Variants in MYOM1 observed in about 807,000 individuals in gnomAD.
The protein encoded by MYOM1 is myomesin-1.
In MYOM1, 164 loss-of-function variants were observed where a neutral mutation model predicts 205.3. That is an observed-to-expected ratio of 0.80 (90% CI 0.70 to 0.91). The LOEUF is 0.91. MYOM1 is among the 40% of genes least tolerant of loss of function. The pLI, the probability that MYOM1 is intolerant of heterozygous loss-of-function variation, is 0.00. For missense variants in MYOM1, 2,011 were observed against 2,127.3 expected, an observed-to-expected ratio of 0.95 and a Z score of 1.08; for synonymous variants, 772 against 789.4, an observed-to-expected ratio of 0.98 and a Z score of 0.37.
chr18:3,244,733 CAAA>C, the MYOM1 span, among the ~76,000 whole-genome samples: 2 of 118,812 alleles, frequency 1.7e-5, no homozygotes, highest in Admixed American at 8.5e-5. Flanking sequence ...TACTAAAATA[CAAA>C]AAAAAAAAAA....
chr18:3,221,175 C>T (rs528413096), upstream of MYOM1, among the ~76,000 whole-genome samples: 267 of 152,122 alleles, frequency 1.8e-3, 8 homozygotes, highest in South Asian at 0.045. Flanking sequence ...CCATCACACT[C>T]GGCTAATTTT....
chr18:3,130,028 T>G (rs72860216), intron 17 of MYOM1, among the ~76,000 whole-genome samples: 1 of 151,942 alleles, frequency 6.6e-6, no homozygotes, highest in African/African-American at 2.4e-5. Context: ...ATAAGGAATC[T>G]TCCTTCCTTC....
intron 2 of MYOM1, among the ~76,000 whole-genome samples, chr18:3,199,711 A>C: frequency 6.6e-6 from 1 of 152,152 alleles, no homozygotes; most frequent in East Asian, 1.9e-4. Context: ...ATGGTGGCAC[A>C]TGCCTATAGT....
At chr18:3,145,988 T>G (rs2080116800) in intron 13 of MYOM1, among the ~76,000 whole-genome samples, 1 of 151,960 alleles carries the variant, frequency 6.6e-6, no homozygotes, top group African/African-American at 2.4e-5. Context: ...ATGAACAACT[T>G]TATGAATGAA....
At chr18:3,134,369 C>T (rs1428896264) in intron 16 of MYOM1, among the ~76,000 whole-genome samples, 1 of 151,932 alleles carries the variant, frequency 6.6e-6, no homozygotes, top group African/African-American at 2.4e-5. Context: ...ACAGGCCTGC[C>T]ACTGCCTTGG....
chr18:3,231,936 G>A, the MYOM1 span, among the ~76,000 whole-genome samples: 2 of 144,460 alleles, frequency 1.4e-5, no homozygotes, highest in East Asian at 2.0e-4. Flanking sequence ...TCTATTAAAT[G>A]TTTGCTAGTG....
rs1598743068 is a variant in MYOM1 at position 3,174,159 on chromosome 18, T to C, written c.1072A>G (p.Lys358Glu). ...AQYRASAMNV[K>E]GELSAYASVV... ...GAAGCATATGCCGAAAGCTCTCCTT[T>C]AACATTCATCGCCGAGGCCCGGTAC... The change falls in exon 7 of 38, where the codon AAA (lysine) becomes GAA (glutamate). Residue 358 changes from lysine to glutamate, a missense_variant. Physicochemically the swap from Lys to Glu is moderately conservative, Grantham distance 56. Coordinates refer to ENST00000356443, the MANE Select transcript of MYOM1 (RefSeq NM_003803.4). 2 of 1,614,032 alleles carry C rather than the reference T, an allele frequency of 1.2e-6. No homozygotes were observed. Among genetic ancestry groups the C allele is most frequent in the Admixed American group, 3.3e-5 (2 of 60,014 alleles).
chr18:3,149,018 A>G, intron 13 of MYOM1, 127 bp downstream of exon 13: 2 of 753,818 alleles, frequency 2.7e-6, no homozygotes, highest in Middle Eastern at 3.3e-4. Context: ...GTTATTTACA[A>G]TCTCCAGATA....
At chr18:3,068,849 T>C (rs1349957890) in intron 37 of MYOM1, among the ~76,000 whole-genome samples, 1 of 152,196 alleles carries the variant, frequency 6.6e-6, no homozygotes, top group African/African-American at 2.4e-5. Context: ...TATGTGAGCA[T>C]AAGCTGTCAT....
rs1386023582 is a variant in MYOM1, at chr18:3,129,458, G to A, written c.2568C>T (p.Ala856=). 6.2e-7 allele frequency: 1 copy of A among 1,613,942 alleles called. No individual in the cohort carries two copies. Among genetic ancestry groups the A allele is most frequent in the Admixed American group, 1.7e-5 (1 of 60,004 alleles). ...AGGCTTCATGCACGCGCCCCCTGGAGGCGGTTAGTCCACCAGGCTCATCGC... is the reference window on the plus strand; with the variant it reads ...AGGCTTCATGCACGCGCCCCCTGGAAGCGGTTAGTCCACCAGGCTCATCGC... ...ALSDEPGGLT[A]SRGRVHEASP... is the part of the protein sequence containing the mutation. Residue 856 remains alanine, a synonymous_variant, in exon 18 of 38, where the codon GCC becomes GCT. Coordinates refer to ENST00000356443, the MANE Select transcript of MYOM1 (RefSeq NM_003803.4).
chr18:3,151,733 CGGGCTCGG>C lies in MYOM1; in HGVS notation c.1796_1803del (p.Ser599CysfsTer8). The C allele has an allele frequency of 6.2e-7, 1 of 1,613,748 alleles. No individual in the cohort carries two copies. Among genetic ancestry groups the C allele is most frequent in the Non-Finnish European group, 8.5e-7 (1 of 1,179,750 alleles). ...TTCTCAGCCGGATCCAGAGCAGCCACGGGCTCGGAAACTCGAGATGGGAAACCTATTCC... is the reference window on the plus strand; with the variant it reads ...TTCTCAGCCGGATCCAGAGCAGCCACAAACTCGAGATGGGAAACCTATTCC... On this transcript the variant is annotated frameshift_variant, in exon 12 of 38. Transcript: ENST00000356443. LOFTEE classifies it high-confidence loss of function.
Position 3,187,519 on chromosome 18 carries a change from T to C in MYOM1, c.890A>G (p.His297Arg). ...TTCTGGCCAGCCTGCTATGGAGCAA[T>C]GCAATTTTACATTCTCCTTCTCCCA... ...TVWEKENVKL[H>R]CSIAGWPEPR... Residue 297 changes from histidine (H) to arginine (R), a missense_variant, in exon 5 of 38, where the codon CAT becomes CGT. Transcript: ENST00000356443. The C allele has an allele frequency of 6.2e-7, 1 of 1,613,934 alleles. No individual in the cohort carries two copies. The highest frequency in any genetic ancestry group is 1.6e-4 in the Middle Eastern group (1 of 6,062).
At chr18:3,107,890 G>T (rs776239469) in intron 22 of MYOM1, among the ~76,000 whole-genome samples, 3 of 152,198 alleles carry the variant, frequency 2.0e-5, no homozygotes, top group Admixed American at 6.5e-5. Context: ...CTAATGGGAG[G>T]TTACAAGACA....
the MYOM1 span, among the ~76,000 whole-genome samples, chr18:3,231,847 C>CTTT: frequency 8.1e-6 from 1 of 123,780 alleles, no homozygotes; most frequent in Non-Finnish European, 1.7e-5. Context: ...CAGCCGCATC[C>CTTT]TTTTTTTTTT....
chr18:3,134,393 T>C (rs2079921817), intron 16 of MYOM1, among the ~76,000 whole-genome samples: 1 of 146,572 alleles, frequency 6.8e-6, no homozygotes, highest in Admixed American at 6.8e-5. Flanking sequence ...ATTTAAAGTA[T>C]AATGTTTTCT....
At chr18:3,079,476 T>C in intron 33 of MYOM1, 134 bp from the exon 34 acceptor site, 4 of 995,772 alleles carry the variant, frequency 4.0e-6, no homozygotes, top group Non-Finnish European at 5.7e-6. Context: ...ATGTTATTCT[T>C]CTGCTTCAGA....
At chr18:3,146,958 A>C (rs2080131557) in intron 13 of MYOM1, among the ~76,000 whole-genome samples, 1 of 150,498 alleles carries the variant, frequency 6.6e-6, no homozygotes, top group South Asian at 2.1e-4. Context: ...TACAAAAATC[A>C]ATTGTGTTTC....
intron 6 of MYOM1, among the ~76,000 whole-genome samples, chr18:3,175,060 T>C (rs927033866): frequency 6.6e-6 from 1 of 152,230 alleles, no homozygotes; most frequent in Non-Finnish European, 1.5e-5. Flanking sequence ...TTTTTCTTGC[T>C]GAAATTTTAC....
chr18:3,081,587 T>C (rs763774839), intron 33 of MYOM1, among the ~76,000 whole-genome samples: 1 of 152,244 alleles, frequency 6.6e-6, no homozygotes, highest in Non-Finnish European at 1.5e-5. Context: ...TTAGAGAAGA[T>C]ATAAAGCTTT....
Sources: allele counts gnomAD v4.1 joint callset (sites outside exome capture counted in the v4.1 genomes callset), GRCh38; gene constraint gnomAD v4.1.1; transcripts MANE v1.5; gene names NCBI Gene and HGNC (gene_info 2026-07-23, HGNC 2026-07-21).